RUFY3: variants seen among roughly 807,000 people sequenced by gnomAD.
RUFY3 encodes RUN and FYVE domain containing 3, also known as protein RUFY3.
RUFY3 carries 34 observed loss-of-function variants against 84.0 expected under a neutral mutation model. The observed-to-expected ratio is 0.40, with a 90% CI of 0.31 to 0.54. The LOEUF (loss-of-function observed/expected upper bound fraction) is 0.54. RUFY3 is among the 20% of genes least tolerant of loss of function. The probability of loss-of-function intolerance (pLI) is 0.39; values close to 1 mark genes in which losing one functional copy is unlikely to be tolerated. For synonymous variants in RUFY3, 242 were observed against 252.9 expected (o/e 0.96, Z 0.41); for missense variants, 507 against 736.8 (o/e 0.69, Z 3.61).
intron 1 of RUFY3, chr4:70,734,289 T>G (rs1486801560): frequency 6.0e-6 from 3 of 502,392 alleles, no homozygotes; most frequent in Admixed American, 6.4e-5. Context: ...ATTGGGATTC[T>G]CTTTTTCACA....
At position 70,775,172 on chromosome 4, in the gene RUFY3, G is replaced by A. The variant is rs764658648; in HGVS notation, c.763G>A (p.Gly255Ser). The A allele has an allele frequency of 1.1e-5, 17 of 1,594,132 alleles. 1 individual carries two copies. The East Asian group carries it at 1.8e-4, about 17-fold the overall frequency. The change falls in exon 7 of 18, where the codon GGT becomes AGT. Residue 255 changes from glycine (G) to serine (S), a missense_variant. Gly to Ser is a moderately conservative substitution (Grantham distance 56, BLOSUM62 0). Around this residue, in one of 4 missense-constraint regions of RUFY3, gnomAD observed 23 missense variants for 17.0 expected, o/e 1.36. Coordinates refer to ENST00000381006, the MANE Select transcript of RUFY3 (RefSeq NM_001037442.4). ...GNSSKGTEGD[G>S]QITAILDQKN... ...ATTTTCTTCCCCTTCCCCCAGAGAC[G>A]GTCAGATTACTGCAATTCTGGACCA...
At chr4:70,745,833 C>T (rs761364465) in intron 1 of RUFY3, among the ~76,000 whole-genome samples, 6 of 152,160 alleles carry the variant, frequency 3.9e-5, no homozygotes, top group Non-Finnish European at 8.8e-5. Context: ...CTTCTATAAT[C>T]CCAGTACTTT....
chr4:70,756,675 G>A (rs1476466746), intron 1 of RUFY3, among the ~76,000 whole-genome samples: 1 of 151,992 alleles, frequency 6.6e-6, no homozygotes, highest in East Asian at 1.9e-4. Context: ...ATCCTCTGAG[G>A]ATTTATAGAA....
At chr4:70,756,680 A>G (rs542179889) in intron 1 of RUFY3, among the ~76,000 whole-genome samples, 16 of 152,236 alleles carry the variant, frequency 1.1e-4, no homozygotes, top group Admixed American at 6.5e-4. Context: ...CTGAGGATTT[A>G]TAGAAACACA....
At chr4:70,774,248 G>A (rs1727457070) in intron 6 of RUFY3, among the ~76,000 whole-genome samples, 2 of 151,812 alleles carry the variant, frequency 1.3e-5, no homozygotes, top group Admixed American at 1.3e-4. Flanking sequence ...TTTATCTTTT[G>A]TCTACTACAG....
chr4:70,788,510 T>G (rs894967536), intron 10 of RUFY3, among the ~76,000 whole-genome samples: 1 of 152,158 alleles, frequency 6.6e-6, no homozygotes, highest in Non-Finnish European at 1.5e-5. Flanking sequence ...TGTCGTAATA[T>G]CTACTGAAGT....
chr4:70,802,223 A>G (rs1217806594), intron 15 of RUFY3, among the ~76,000 whole-genome samples: 2 of 152,222 alleles, frequency 1.3e-5, no homozygotes, highest in Admixed American at 1.3e-4. Flanking sequence ...ATCGTTAGAC[A>G]TACCAGGCTT....
At chr4:70,772,964 G>A (rs936523006) in intron 5 of RUFY3, among the ~76,000 whole-genome samples, 4 of 151,990 alleles carry the variant, frequency 2.6e-5, no homozygotes, top group African/African-American at 9.7e-5. Context: ...CCCGGCCTTT[G>A]GTGTGGATTT....
chr4:70,750,972 A>C (rs560602562), intron 1 of RUFY3, among the ~76,000 whole-genome samples: 2 of 152,068 alleles, frequency 1.3e-5, no homozygotes, highest in South Asian at 2.1e-4. Flanking sequence ...TATTTTGTCT[A>C]TTGGTTGGTG....
At chr4:70,804,565 A>G (rs943887766) in intron 17 of RUFY3, 149 bp downstream of exon 17, 2 of 535,396 alleles carry the variant, frequency 3.7e-6, no homozygotes, top group Non-Finnish European at 6.7e-6. Flanking sequence ...AGGGGCAAGC[A>G]TTTACTGGGT....
intron 1 of RUFY3, chr4:70,705,345 T>G: frequency 2.4e-6 from 3 of 1,251,606 alleles, no homozygotes; most frequent in Non-Finnish European, 3.1e-6. Flanking sequence ...AGCATTCGGC[T>G]GGGGAGGGCC....
chr4:70,782,919 TAAAG>T (rs1729189659), intron 8 of RUFY3, among the ~76,000 whole-genome samples, 168 bp from the exon 9 acceptor site: 2 of 151,996 alleles, frequency 1.3e-5, no homozygotes, highest in Non-Finnish European at 2.9e-5. Flanking sequence ...CTCAGAAAAA[TAAAG>T]AAAAATATTT....
intron 1 of RUFY3, among the ~76,000 whole-genome samples, chr4:70,759,210 G>A (rs543687031): frequency 1.3e-5 from 2 of 152,022 alleles, no homozygotes; most frequent in South Asian, 2.1e-4. Context: ...CTACTTCTAT[G>A]AGCTCAACTT....
intron 1 of RUFY3, among the ~76,000 whole-genome samples, chr4:70,706,928 C>CT (rs1233087570): frequency 2.0e-5 from 3 of 152,136 alleles, no homozygotes; most frequent in African/African-American, 7.2e-5. Context: ...AAAATGTTTT[C>CT]TTTCTGTGTA....
At chr4:70,792,245 G>T (rs1309253943) in intron 12 of RUFY3, 25 of 985,094 alleles carry the variant, frequency 2.5e-5, no homozygotes, top group Non-Finnish European at 2.8e-5. Flanking sequence ...TTCTTACCTG[G>T]AAACATTTAC....
chr4:70,761,020 T>G (rs1427920695), intron 1 of RUFY3, among the ~76,000 whole-genome samples: 1 of 152,234 alleles, frequency 6.6e-6, no homozygotes, highest in East Asian at 1.9e-4. Context: ...TGGGATAATT[T>G]GCATTAAACA....
chr4:70,743,377 T>C (rs770057090), intron 1 of RUFY3, among the ~76,000 whole-genome samples: 32 of 152,230 alleles, frequency 2.1e-4, no homozygotes, highest in Non-Finnish European at 4.0e-4. Flanking sequence ...TGGCCTATTA[T>C]CATTATTATT....
At chr4:70,727,257 G>A (rs544603851) in intron 1 of RUFY3, among the ~76,000 whole-genome samples, 5 of 144,642 alleles carry the variant, frequency 3.5e-5, no homozygotes, top group South Asian at 2.2e-4. Context: ...TTATTTTTGC[G>A]ATTTTTTTTA....
chr4:70,780,756 GCACT>G (rs762814301), intron 8 of RUFY3, among the ~76,000 whole-genome samples: 1 of 152,152 alleles, frequency 6.6e-6, no homozygotes, highest in Non-Finnish European at 1.5e-5. Flanking sequence ...CACATCATAA[GCACT>G]CAATAAATAT....
Sources: gnomAD v4.1 joint callset for allele counts (sites outside exome capture counted in the v4.1 genomes callset) on GRCh38, gnomAD v4.1.1 for gene constraint, gnomAD v4.1.1 regional missense constraint, MANE v1.5 for transcripts, NCBI Gene and HGNC (gene_info 2026-07-23, HGNC 2026-07-21) for gene names.